The following ARB2A variants were observed in gnomAD, a reference collection of about 807,000 sequenced individuals.
ARB2A encodes cotranscriptional regulator ARB2A.
the ARB2A span, among the ~76,000 whole-genome samples, chr5:93,847,068 C>T: frequency 6.6e-6 from 1 of 152,174 alleles, no homozygotes; most frequent in Non-Finnish European, 1.5e-5. Flanking sequence ...GTCATTTCAA[C>T]AGTGTTCACA....
At chr5:93,934,803 T>G in the ARB2A span, among the ~76,000 whole-genome samples, 1 of 152,132 alleles carries the variant, frequency 6.6e-6, no homozygotes, top group African/African-American at 2.4e-5. Flanking sequence ...TTGATGATAT[T>G]GTTGCACCTT....
the ARB2A span, among the ~76,000 whole-genome samples, chr5:93,747,773 G>A: frequency 2.0e-5 from 3 of 152,080 alleles, no homozygotes; most frequent in East Asian, 1.9e-4. Context: ...GCAGATGAAG[G>A]TTTCATCTTC....
the ARB2A span, among the ~76,000 whole-genome samples, chr5:93,695,435 A>G: frequency 3.3e-5 from 5 of 152,258 alleles, no homozygotes; most frequent in African/African-American, 4.8e-5. Flanking sequence ...TATGGAAAAA[A>G]GCTCATCATA....
the ARB2A span, among the ~76,000 whole-genome samples, chr5:94,099,497 G>A: frequency 4.0e-5 from 6 of 151,504 alleles, no homozygotes; most frequent in East Asian, 3.9e-4. Flanking sequence ...GGTGGTGGGC[G>A]CCTGTGGTCC....
At chr5:93,678,799 G>C in the ARB2A span, among the ~76,000 whole-genome samples, 9 of 151,252 alleles carry the variant, frequency 6.0e-5, no homozygotes, top group African/African-American at 1.9e-4. Context: ...CTAAACAAAA[G>C]TAATGAGCAT....
At chr5:94,060,888 A>G in the ARB2A span, among the ~76,000 whole-genome samples, 1 of 152,210 alleles carries the variant, frequency 6.6e-6, no homozygotes, top group Non-Finnish European at 1.5e-5. Context: ...CAGGCTACAG[A>G]AGAAAAAAAA....
chr5:94,086,213 C>T, the ARB2A span, among the ~76,000 whole-genome samples: 2 of 152,158 alleles, frequency 1.3e-5, no homozygotes, highest in African/African-American at 4.8e-5. Context: ...ACCTTGGTTG[C>T]ACACAATCTT....
the ARB2A span, among the ~76,000 whole-genome samples, chr5:94,072,358 T>TCACA: frequency 3.3e-5 from 5 of 149,494 alleles, no homozygotes; most frequent in Admixed American, 1.3e-4. Context: ...CCAAACACAC[T>TCACA]CACACACACA....
chr5:93,932,959 AAAAC>A, the ARB2A span, among the ~76,000 whole-genome samples: 3 of 152,224 alleles, frequency 2.0e-5, no homozygotes, highest in East Asian at 1.9e-4. Flanking sequence ...TTACAAGAAA[AAAAC>A]AAACAATTCC....
the ARB2A span, among the ~76,000 whole-genome samples, chr5:93,883,825 G>C: frequency 2.0e-5 from 3 of 150,708 alleles, no homozygotes; most frequent in Non-Finnish European, 4.4e-5. Context: ...CTCCCTACTA[G>C]ATTCTGTACC....
chr5:93,893,890 G>A, the ARB2A span, among the ~76,000 whole-genome samples: 2 of 152,278 alleles, frequency 1.3e-5, no homozygotes, highest in Admixed American at 1.3e-4. Context: ...TAATCACAGT[G>A]TAGCACATTA....
At chr5:94,017,146 A>C in the ARB2A span, among the ~76,000 whole-genome samples, 1 of 152,220 alleles carries the variant, frequency 6.6e-6, no homozygotes, top group South Asian at 2.1e-4. Flanking sequence ...CAAAGATTGA[A>C]TGGAATGGCC....
At chr5:93,968,106 A>G in the ARB2A span, among the ~76,000 whole-genome samples, 1 of 152,078 alleles carries the variant, frequency 6.6e-6, no homozygotes, top group East Asian at 1.9e-4. Flanking sequence ...CACACTAAAG[A>G]CCTATTTACT....
At chr5:94,091,940 C>A in the ARB2A span, among the ~76,000 whole-genome samples, 12 of 152,020 alleles carry the variant, frequency 7.9e-5, no homozygotes, top group African/African-American at 2.7e-4. Flanking sequence ...AAAGTAGACT[C>A]GGGTCAAAAA....
the ARB2A span, among the ~76,000 whole-genome samples, chr5:93,707,576 C>CTTT: frequency 4.3e-5 from 6 of 138,060 alleles, no homozygotes; most frequent in African/African-American, 7.9e-5. Context: ...TTTTTTCTTT[C>CTTT]TTTTTTTTTT....
chr5:93,647,762 G>C, the ARB2A span, among the ~76,000 whole-genome samples: 2 of 152,160 alleles, frequency 1.3e-5, no homozygotes, highest in Non-Finnish European at 2.9e-5. Context: ...GTCCTCAAGT[G>C]ATCCACCTGC....
At chr5:93,836,697 A>C in the ARB2A span, among the ~76,000 whole-genome samples, 2 of 152,216 alleles carry the variant, frequency 1.3e-5, no homozygotes, top group East Asian at 1.9e-4. Context: ...TGATGATTAA[A>C]GTACTAGGTG....
chr5:94,081,064 G>T, the ARB2A span, among the ~76,000 whole-genome samples: 2 of 151,962 alleles, frequency 1.3e-5, no homozygotes, highest in African/African-American at 4.8e-5. Context: ...TATACAAATG[G>T]CCAAAAAGCA....
the ARB2A span, among the ~76,000 whole-genome samples, chr5:93,783,937 T>C: frequency 6.6e-6 from 1 of 152,156 alleles, no homozygotes; most frequent in East Asian, 1.9e-4. Flanking sequence ...TTCCCTCTAC[T>C]GGATGTAGTC....
Sources: gnomAD v4.1 joint callset for allele counts (sites outside exome capture counted in the v4.1 genomes callset) on GRCh38, gnomAD v4.1.1 for gene constraint, MANE v1.5 for transcripts, NCBI Gene and HGNC (gene_info 2026-07-23, HGNC 2026-07-21) for gene names.